The following WWOX variants were observed in gnomAD, a reference collection of about 807,000 sequenced individuals.
The protein encoded by WWOX is WW domain-containing oxidoreductase.
Under a neutral mutation model 46.2 loss-of-function variants are expected in WWOX, and 69 were observed. The observed-to-expected ratio is 1.49, with a 90% confidence interval of 1.23 to 1.82. WWOX has a LOEUF of 1.82. Ranked by LOEUF, WWOX falls within the 40% of genes most tolerant of loss-of-function variation. WWOX has a pLI of 0.00. For missense variants in WWOX, 919 were observed against 542.6 expected (o/e 1.69, Z -6.89); for synonymous variants, 359 against 202.6 (o/e 1.77, Z -6.56).
chr16:78,963,033 G>A (rs143059030), intron 8 of WWOX, among the ~76,000 whole-genome samples: 3 of 152,080 alleles, frequency 2.0e-5, no homozygotes, highest in African/African-American at 4.8e-5. Context: ...AATTGCAGAC[G>A]TACACAAAAG....
intron 5 of WWOX, among the ~76,000 whole-genome samples, chr16:78,266,729 G>A (rs1040351266): frequency 1.7e-4 from 25 of 150,332 alleles, no homozygotes; most frequent in African/African-American, 4.1e-4. Flanking sequence ...TAAACTCATC[G>A]CTTCCAACAT....
chr16:79,073,499 T>A (rs866743905), intron 8 of WWOX, among the ~76,000 whole-genome samples: 8 of 152,132 alleles, frequency 5.3e-5, no homozygotes, highest in African/African-American at 1.9e-4. Context: ...TAGAGTTATA[T>A]GGATTTATCA....
intron 5 of WWOX, among the ~76,000 whole-genome samples, chr16:78,330,857 A>T (rs1450804636): frequency 6.6e-6 from 1 of 152,256 alleles, no homozygotes; most frequent in Non-Finnish European, 1.5e-5. Flanking sequence ...AGAAAATAAA[A>T]TTAGATTTTT....
At chr16:78,971,006 A>C (rs1477282606) in intron 8 of WWOX, among the ~76,000 whole-genome samples, 3 of 152,118 alleles carry the variant, frequency 2.0e-5, no homozygotes, top group Non-Finnish European at 2.9e-5. Context: ...TCCCATTCTC[A>C]TGCTAGCTTC....
chr16:78,409,589 G>T (rs1263218400), intron 6 of WWOX, among the ~76,000 whole-genome samples: 1 of 152,122 alleles, frequency 6.6e-6, no homozygotes, highest in Non-Finnish European at 1.5e-5. Flanking sequence ...ATCTCACTCT[G>T]TTAGTTTTCC....
chr16:78,699,804 T>A (rs1033756572), intron 8 of WWOX, among the ~76,000 whole-genome samples: 1 of 152,188 alleles, frequency 6.6e-6, no homozygotes, highest in African/African-American at 2.4e-5. Flanking sequence ...TTCATGGAAT[T>A]TATGCATTCT....
intron 8 of WWOX, among the ~76,000 whole-genome samples, chr16:78,523,727 C>T (rs961652012): frequency 6.6e-6 from 1 of 152,158 alleles, no homozygotes; most frequent in Non-Finnish European, 1.5e-5. Flanking sequence ...AAAGATGCTC[C>T]GTTTTCCCGC....
At chr16:79,201,744 T>A (rs1465026354) in intron 8 of WWOX, among the ~76,000 whole-genome samples, 1 of 151,842 alleles carries the variant, frequency 6.6e-6, no homozygotes, top group Non-Finnish European at 1.5e-5. Context: ...TTTTCACTTT[T>A]GTCTTCCTGA....
At chr16:79,147,763 A>G (rs930680643) in intron 8 of WWOX, among the ~76,000 whole-genome samples, 3 of 152,148 alleles carry the variant, frequency 2.0e-5, no homozygotes, top group South Asian at 2.1e-4. Context: ...GCAGTTTTTT[A>G]TTTTAGCCAT....
At chr16:78,555,106 G>T (rs1300440701) in intron 8 of WWOX, among the ~76,000 whole-genome samples, 2 of 138,562 alleles carry the variant, frequency 1.4e-5, no homozygotes, top group African/African-American at 5.4e-5. Flanking sequence ...TTTCCTCTTT[G>T]TCTCTATCTC....
intron 8 of WWOX, among the ~76,000 whole-genome samples, chr16:79,199,278 G>T (rs1421450088): frequency 6.6e-6 from 1 of 152,120 alleles, no homozygotes; most frequent in Non-Finnish European, 1.5e-5. Flanking sequence ...GGCCAGGCTG[G>T]TCTCGAACTC....
At chr16:78,696,681 G>C (rs1306435188) in intron 8 of WWOX, among the ~76,000 whole-genome samples, 1 of 151,000 alleles carries the variant, frequency 6.6e-6, no homozygotes, top group Non-Finnish European at 1.5e-5. Context: ...ATTTCCACCT[G>C]TTTTGGGGGG....
intron 5 of WWOX, among the ~76,000 whole-genome samples, chr16:78,370,096 C>T (rs1411961408): frequency 2.3e-5 from 3 of 132,566 alleles, no homozygotes; most frequent in African/African-American, 8.4e-5. Flanking sequence ...CACACCACTG[C>T]TCTCTATCCT....
chr16:78,962,407 G>C (rs993174284), intron 8 of WWOX, among the ~76,000 whole-genome samples: 3 of 150,208 alleles, frequency 2.0e-5, no homozygotes, highest in African/African-American at 7.4e-5. Flanking sequence ...CTAGGAGGCT[G>C]AGGAGTTTTA....
At chr16:78,792,023 T>G (rs1412785561) in intron 8 of WWOX, among the ~76,000 whole-genome samples, 2 of 152,140 alleles carry the variant, frequency 1.3e-5, no homozygotes, top group Non-Finnish European at 2.9e-5. Context: ...CATTCCCTTA[T>G]TTCACCTTGA....
chr16:78,628,487 G>C (rs573966197), intron 8 of WWOX, among the ~76,000 whole-genome samples: 2 of 152,276 alleles, frequency 1.3e-5, no homozygotes, highest in African/African-American at 4.8e-5. Context: ...GAGCTGAAAA[G>C]TACCCACCTA....
intron 8 of WWOX, among the ~76,000 whole-genome samples, chr16:78,557,431 C>A (rs568617582): frequency 1.6e-4 from 24 of 152,244 alleles, no homozygotes; most frequent in African/African-American, 5.1e-4. Flanking sequence ...CGTGCAGGCA[C>A]CATTCTAGGT....
At chr16:78,371,820 C>A (rs1371437457) in intron 5 of WWOX, among the ~76,000 whole-genome samples, 1 of 152,026 alleles carries the variant, frequency 6.6e-6, no homozygotes, top group Admixed American at 6.6e-5. Context: ...TTATCTTTAA[C>A]ATTTTTATAT....
chr16:78,416,148 A>G (rs1050046598), intron 6 of WWOX, among the ~76,000 whole-genome samples: 3 of 152,176 alleles, frequency 2.0e-5, no homozygotes, highest in African/African-American at 2.4e-5. Context: ...GACTAGTAAC[A>G]TCAGTTTTTG....
Sources: gnomAD v4.1 joint callset for allele counts (sites outside exome capture counted in the v4.1 genomes callset) on GRCh38, gnomAD v4.1.1 for gene constraint, MANE v1.5 for transcripts, NCBI Gene and HGNC (gene_info 2026-07-23, HGNC 2026-07-21) for gene names.